Variants in KCNH8 observed in about 807,000 individuals in gnomAD.
KCNH8 encodes the protein voltage-gated delayed rectifier potassium channel KCNH8.
KCNH8 carries 70 observed loss-of-function variants against 103.6 expected under a neutral mutation model. The observed-to-expected ratio is 0.68, with a 90% CI of 0.56 to 0.82. The LOEUF is 0.82. Among genes scored for constraint, KCNH8 ranks in the 40% least tolerant of loss-of-function variants. KCNH8 has a pLI of 0.00. For synonymous variants in KCNH8, 498 were observed against 489.4 expected (o/e 1.02, Z -0.23); for missense variants, 1,217 against 1,329.9 (o/e 0.92, Z 1.32).
chr3:19,518,721 T>C (rs964120699), intron 15 of KCNH8, among the ~76,000 whole-genome samples: 4 of 152,068 alleles, frequency 2.6e-5, no homozygotes, highest in African/African-American at 9.7e-5. Flanking sequence ...AGATCTCTTA[T>C]ACTCATTTTA....
intron 11 of KCNH8, among the ~76,000 whole-genome samples, chr3:19,469,757 T>A (rs937583715): frequency 6.6e-6 from 1 of 152,180 alleles, no homozygotes; most frequent in Admixed American, 6.5e-5. Flanking sequence ...GAAATAAAGA[T>A]CAATTTGGAC....
At chr3:19,154,124 G>A (rs2063157879) in intron 1 of KCNH8, among the ~76,000 whole-genome samples, 1 of 152,220 alleles carries the variant, frequency 6.6e-6, no homozygotes, top group African/African-American at 2.4e-5. Flanking sequence ...ACATTTGGGT[G>A]AGGGAGGAAT....
At chr3:19,291,334 T>G (rs2064922198) in intron 3 of KCNH8, among the ~76,000 whole-genome samples, 1 of 152,190 alleles carries the variant, frequency 6.6e-6, no homozygotes, top group Admixed American at 6.5e-5. Context: ...AATTGTGATG[T>G]TAGGGTGTCA....
At chr3:19,469,718 A>T (rs1421632008) in intron 11 of KCNH8, among the ~76,000 whole-genome samples, 1 of 152,124 alleles carries the variant, frequency 6.6e-6, no homozygotes, top group Non-Finnish European at 1.5e-5. Context: ...TCCCGAGCCT[A>T]GTTTTGTGTT....
At chr3:19,171,261 T>C (rs909024335) in intron 1 of KCNH8, among the ~76,000 whole-genome samples, 2 of 152,188 alleles carry the variant, frequency 1.3e-5, no homozygotes, top group African/African-American at 4.8e-5. Flanking sequence ...ATCATATAAA[T>C]AAACATAAGT....
At chr3:19,250,066 T>G (rs745557079) in intron 1 of KCNH8, among the ~76,000 whole-genome samples, 3 of 152,100 alleles carry the variant, frequency 2.0e-5, no homozygotes, top group Admixed American at 6.6e-5. Flanking sequence ...AAACCCCATC[T>G]CTACAAAAAT....
chr3:19,281,294 C>G lies in KCNH8; in HGVS notation c.407C>G (p.Thr136Arg), dbSNP rs369496399. The G allele has an allele frequency of 1.7e-5, 27 of 1,608,506 alleles. No homozygotes were observed. Among genetic ancestry groups the G allele is most frequent in the Non-Finnish European group, 2.0e-5 (24 of 1,177,372 alleles). The change falls in exon 3 of 16, where the codon ACA becomes AGA. Residue 136 changes from threonine to arginine, a missense_variant. Thr to Arg is a moderately conservative substitution (Grantham distance 71, BLOSUM62 -1). Around this residue, in one of 3 missense-constraint regions of KCNH8, gnomAD observed 244 missense variants for 256.8 expected, o/e 0.95. Coordinates refer to ENST00000328405, the MANE Select transcript of KCNH8 (RefSeq NM_144633.3). ...FLASFKDITDTKVKITPEDKK... is the reference protein window; with the variant it reads ...FLASFKDITDRKVKITPEDKK... ...GCCTCGTTCAAAGATATAACAGATA[C>G]AAAAGTGAAGATTACTCCAGAAGAT...
chr3:19,499,834 C>T (rs1455514579), intron 11 of KCNH8, among the ~76,000 whole-genome samples: 1 of 152,154 alleles, frequency 6.6e-6, no homozygotes, highest in Non-Finnish European at 1.5e-5. Context: ...GCTGCAAAAT[C>T]ATGCCAAAAA....
At chr3:19,162,854 C>T (rs114512699) in intron 1 of KCNH8, among the ~76,000 whole-genome samples, 2,604 of 151,884 alleles carry the variant, frequency 0.017, 26 homozygotes, top group Middle Eastern at 0.068. Context: ...TTGCACTTTC[C>T]AATATAAAAA....
chr3:19,209,783 A>G (rs1253687823), intron 1 of KCNH8, among the ~76,000 whole-genome samples: 2 of 152,086 alleles, frequency 1.3e-5, no homozygotes, highest in African/African-American at 4.8e-5. Context: ...TTTGCCAAGA[A>G]GAGAATTCAG....
At chr3:19,282,382 G>A (rs1333735426) in intron 3 of KCNH8, among the ~76,000 whole-genome samples, 18 of 152,112 alleles carry the variant, frequency 1.2e-4, no homozygotes, top group Non-Finnish European at 2.2e-4. Flanking sequence ...CCTGTCCAAT[G>A]TAAGTTCCAC....
At chr3:19,241,719 C>G (rs2064143889) in intron 1 of KCNH8, among the ~76,000 whole-genome samples, 1 of 129,242 alleles carries the variant, frequency 7.7e-6, no homozygotes, top group African/African-American at 2.7e-5. Flanking sequence ...AAAATACACA[C>G]ACAGACACAC....
At position 19,321,592 on chromosome 3, in the gene KCNH8, A is replaced by C. The variant is rs999547805; in HGVS notation, c.443-20995A>C. On this transcript the variant is annotated intron_variant, in intron 3 of 15. Coordinates refer to ENST00000328405, the MANE Select transcript of KCNH8 (RefSeq NM_144633.3). ...CTTAAATTTATTGAGACTTCTTGTG[A>C]CCTATCATATGGTCTATCTTGGAGA... Among the ~76,000 whole-genome samples the C allele has an allele frequency of 4.6e-5, 7 of 151,750 alleles. No individual in the cohort carries two copies. The South Asian group carries it at 1.5e-3, about 31-fold the overall frequency.
At chr3:19,261,477 T>C (rs1020015596) in intron 2 of KCNH8, among the ~76,000 whole-genome samples, 9 of 151,946 alleles carry the variant, frequency 5.9e-5, no homozygotes, top group African/African-American at 2.2e-4. Flanking sequence ...ACATGTTCTT[T>C]ATCAATCTTG....
intron 3 of KCNH8, among the ~76,000 whole-genome samples, chr3:19,297,924 T>G (rs536180175): frequency 2.0e-5 from 3 of 152,158 alleles, no homozygotes; most frequent in African/African-American, 4.8e-5. Context: ...ATTTCTAGAT[T>G]TGTAGATAGG....
intron 3 of KCNH8, among the ~76,000 whole-genome samples, chr3:19,289,096 G>A (rs1302851270): frequency 1.3e-5 from 2 of 151,966 alleles, no homozygotes; most frequent in Non-Finnish European, 2.9e-5. Context: ...TTGTAAATTT[G>A]TTTGAGTTCA....
chr3:19,170,779 C>T (rs1391949986), intron 1 of KCNH8, among the ~76,000 whole-genome samples: 1,054 of 99,866 alleles, frequency 0.011, 48 homozygotes, highest in African/African-American at 0.039. Context: ...TATATACACA[C>T]ACACACACAC....
chr3:19,444,652 AAATC>A (rs1000617027), intron 8 of KCNH8, among the ~76,000 whole-genome samples: 2 of 151,908 alleles, frequency 1.3e-5, no homozygotes, highest in African/African-American at 4.8e-5. Context: ...AATAAGAAAA[AAATC>A]AATCAACGCC....
chr3:19,350,918 G>A (rs534501369), intron 5 of KCNH8, among the ~76,000 whole-genome samples: 18 of 150,432 alleles, frequency 1.2e-4, no homozygotes, highest in African/African-American at 3.4e-4. Context: ...TCAGACAATC[G>A]GTAATAACAA....
Sources: allele counts gnomAD v4.1 joint callset (sites outside exome capture counted in the v4.1 genomes callset), GRCh38; gene constraint gnomAD v4.1.1; regional missense constraint gnomAD v4.1.1; transcripts MANE v1.5; gene names NCBI Gene and HGNC (gene_info 2026-07-23, HGNC 2026-07-21).